DIXDC1: variants seen among roughly 807,000 people sequenced by gnomAD.
DIXDC1 encodes the protein dixin.
DIXDC1 carries 64 observed loss-of-function variants against 103.1 expected under a neutral mutation model. That is an observed-to-expected ratio of 0.62 (90% CI 0.51 to 0.76). The LOEUF (loss-of-function observed/expected upper bound fraction) is 0.76, where lower values mean the gene tolerates loss of function less well. Ranked by LOEUF, DIXDC1 falls within the 30% of genes least tolerant of loss-of-function variation. The pLI is 0.00. For missense variants in DIXDC1, 759 were observed against 834.2 expected (o/e 0.91, Z 1.11); for synonymous variants, 266 against 298.5 (o/e 0.89, Z 1.12).
In DIXDC1 at chr11:111,980,813, G is replaced by A; in HGVS notation, c.733G>A (p.Val245Met). ...ITQSEEKADF[V>M]IIPAEGIENR... ...CCAGTCAGAAGAGAAGGCAGATTTT[G>A]TGATTATTCCCGCTGAAGGAATAGA... Residue 245 changes from valine (V) to methionine (M), a missense_variant, in exon 6 of 20, where the codon GTG becomes ATG. Around this residue, in one of 3 missense-constraint regions of DIXDC1, gnomAD observed 657 missense variants for 727.5 expected, o/e 0.90. Coordinates refer to ENST00000440460, the MANE Select transcript of DIXDC1 (RefSeq NM_001037954.4). 6.2e-7 allele frequency: 1 copy of A among 1,613,980 alleles called. No homozygotes were observed. Among genetic ancestry groups the A allele is most frequent in the Non-Finnish European group, 8.5e-7 (1 of 1,179,872 alleles).
chr11:112,006,261 G>A (rs1180353941), intron 17 of DIXDC1, among the ~76,000 whole-genome samples: 2 of 152,024 alleles, frequency 1.3e-5, no homozygotes, highest in Non-Finnish European at 2.9e-5. Context: ...TGAGGCTTGA[G>A]TAGGTAAACA....
At position 111,993,350 on chromosome 11, in the gene DIXDC1, G is replaced by A. The variant is rs944676247; in HGVS notation, c.1273-146G>A. ...CTTTGCACTATGTAAGATTATTATG[G>A]TGTGTAAAGTCTTCCTGGTATATTT... On this transcript the variant is annotated intron_variant, in intron 12 of 19. Transcript: ENST00000440460. 48 of 750,344 alleles carry A rather than the reference G, an allele frequency of 6.4e-5. No individual in the cohort carries two copies. In the Admixed American group the frequency reaches 1.2e-3, roughly 20 times the overall value. The allele number at this position is 750,344 out of a possible 1,614,324, so 46.5% of individuals were successfully genotyped here. A position where few individuals can be genotyped will look rare whatever the true frequency, so the allele number is the denominator to read the frequency against.
chr11:111,977,728 C>G lies in DIXDC1; in HGVS notation c.656+2745C>G. ...ATGTGACTCTCAGCCTCCCACTTCA[C>G]CCGGGGACGCAGGCTTGCTGAAGCC... On this transcript the variant is annotated intron_variant, in intron 5 of 19. Transcript: ENST00000440460. The surrounding 1 kb of genome is among the most constrained non-coding windows in gnomAD (Gnocchi z 6.1). 4 of 1,554,060 alleles carry G rather than the reference C, an allele frequency of 2.6e-6. No individual in the cohort carries two copies. The highest frequency in any genetic ancestry group is 3.5e-6 in the Non-Finnish European group (4 of 1,148,676).
rs1302850946 is a variant in DIXDC1, at chr11:112,021,492, T to C, written c.*2456T>C. 6.6e-6 allele frequency: 1 copy of C among 152,180 alleles called. No individual in the cohort carries two copies. The highest frequency in any genetic ancestry group is 1.5e-5 in the Non-Finnish European group (1 of 68,030). The allele number at this position is 152,180 out of a possible 1,614,324, so 9.4% of individuals were successfully genotyped here. ...TCTAGGAGGCCTCCTGACTTATTCA[T>C]AGTATTGTCGCCTGGTGGCATTGGT... On this transcript the variant is annotated 3_prime_UTR_variant, in exon 20 of 20. Coordinates refer to ENST00000440460, the MANE Select transcript of DIXDC1 (RefSeq NM_001037954.4).
At chr11:111,965,405 T>C (rs1352360649) in intron 2 of DIXDC1, among the ~76,000 whole-genome samples, 5 of 152,344 alleles carry the variant, frequency 3.3e-5, no homozygotes, top group Admixed American at 6.5e-5. Flanking sequence ...TCTAGCCAAA[T>C]GCACATAATA....
upstream of DIXDC1, among the ~76,000 whole-genome samples, chr11:111,933,633 T>C (rs1251885134): frequency 6.7e-6 from 1 of 149,362 alleles, no homozygotes; most frequent in Admixed American, 6.7e-5. Flanking sequence ...GTAATTTTTT[T>C]GTGCCACTGC....
intron 1 of DIXDC1, among the ~76,000 whole-genome samples, chr11:111,928,725 G>T (rs1965918059): frequency 1.3e-5 from 2 of 151,852 alleles, no homozygotes. Context: ...TTGCGCCACT[G>T]CACTCCAGCC....
chr11:111,959,065 C>G (rs1049729989), intron 1 of DIXDC1, among the ~76,000 whole-genome samples: 1 of 152,202 alleles, frequency 6.6e-6, no homozygotes, highest in Non-Finnish European at 1.5e-5. Flanking sequence ...CAATAAAGCT[C>G]CTCTTCACCT....
At chr11:111,933,452 G>A (rs1377332604), upstream of DIXDC1, among the ~76,000 whole-genome samples, 1 of 151,798 alleles carries the variant, frequency 6.6e-6, no homozygotes, top group Non-Finnish European at 1.5e-5. Context: ...CTTTTTTTGA[G>A]GCAGTGTCTC....
chr11:111,937,221 C>T (rs1283807820), upstream of DIXDC1: 39 of 1,134,338 alleles, frequency 3.4e-5, no homozygotes, highest in Non-Finnish European at 4.2e-5. Context: ...GAAAGCGGGG[C>T]TGGGGGCAGC....
At chr11:112,013,321 T>C (rs1398322858) in intron 17 of DIXDC1, among the ~76,000 whole-genome samples, 1 of 35,710 alleles carries the variant, frequency 2.8e-5, no homozygotes, top group Non-Finnish European at 5.7e-5. Flanking sequence ...GGTCGGGGGG[T>C]GGGGGTGGGG....
rs1316752666 is a variant in DIXDC1 at position 111,975,222 on chromosome 11, C to T, written c.656+239C>T. ...AATCTGTGCAGTCCCAGTGCCAGTG[C>T]TTAACTGTGACCACATGGGGGCATG... On this transcript the variant is annotated intron_variant, in intron 5 of 19. Coordinates refer to ENST00000440460, the MANE Select transcript of DIXDC1 (RefSeq NM_001037954.4). 6 of 1,298,444 alleles carry T rather than the reference C, an allele frequency of 4.6e-6. No homozygotes were observed. The African/African-American group carries it at 6.0e-5, about 13-fold the overall frequency. 80.4% of individuals were successfully genotyped at this position (1,298,444 alleles called of 1,614,324 possible).
chr11:111,956,929 G>A lies in DIXDC1; in HGVS notation c.61-7620G>A, dbSNP rs587728441. ...TGCGTGTAATCCCAGCACTTTGGGAGGCTGAGGTGGGAGGATCACTTGAGC... is the reference window on the plus strand; with the variant it reads ...TGCGTGTAATCCCAGCACTTTGGGAAGCTGAGGTGGGAGGATCACTTGAGC... On this transcript the variant is annotated intron_variant, in intron 1 of 19. Coordinates refer to ENST00000440460, the MANE Select transcript of DIXDC1 (RefSeq NM_001037954.4). Among the ~76,000 whole-genome samples the A allele has an allele frequency of 3.5e-3, 535 of 152,248 alleles. 2 individuals are homozygous for A. The highest frequency in any genetic ancestry group is 6.1e-3 in the Non-Finnish European group (418 of 68,008).
At chr11:112,015,174 C>T (rs1174177313) in intron 17 of DIXDC1, 5 of 152,174 alleles carry the variant, frequency 3.3e-5, no homozygotes, top group Non-Finnish European at 7.3e-5. Flanking sequence ...CATGAGCCAC[C>T]GCGCCTGGCC....
Position 111,965,185 on chromosome 11 carries a change from T to C in DIXDC1, c.190+507T>C, listed in dbSNP as rs927016606. On this transcript the variant is annotated intron_variant, in intron 2 of 19. Coordinates refer to ENST00000440460, the MANE Select transcript of DIXDC1 (RefSeq NM_001037954.4). ...AGGACCCTTCTACCATAATACTTCA[T>C]AAAATTTTTTTCCTCTTGAACCCTG... Among the ~76,000 whole-genome samples, 59 of 152,214 alleles carry C rather than the reference T, an allele frequency of 3.9e-4. 2 individuals carry two copies. The highest frequency in any genetic ancestry group is 3.9e-3 in the Admixed American group (59 of 15,272).
chr11:112,009,290 G>T (rs1452856278), intron 17 of DIXDC1, among the ~76,000 whole-genome samples: 1 of 152,052 alleles, frequency 6.6e-6, no homozygotes, highest in African/African-American at 2.4e-5. Flanking sequence ...ACCAATAACA[G>T]GTTCTGAAAT....
Position 111,993,079 on chromosome 11 carries a change from C to T in DIXDC1, c.1272+75C>T, listed in dbSNP as rs372056900. 20 of 1,457,982 alleles carry T rather than the reference C, an allele frequency of 1.4e-5. No homozygotes were observed. The African/African-American group carries it at 2.0e-4, about 14-fold the overall frequency. 90.3% of individuals were successfully genotyped at this position (1,457,982 alleles called of 1,614,324 possible). A position where few individuals can be genotyped will look rare whatever the true frequency, so the allele number is the denominator to read the frequency against. ...CAGCCCGTTATTGTTGCTCAAAAAG[C>T]ACTTAAGTATTCTATTTTCATCCTT... is the stretch of plus-strand genomic sequence containing the variant. On this transcript the variant is annotated intron_variant, in intron 12 of 19. Transcript: ENST00000440460.
At chr11:111,954,515 A>G (rs1413026116) in intron 1 of DIXDC1, among the ~76,000 whole-genome samples, 2 of 152,234 alleles carry the variant, frequency 1.3e-5, no homozygotes, top group Admixed American at 6.5e-5. Context: ...AGCTATTACA[A>G]GTAATCTAGA....
intron 2 of DIXDC1, among the ~76,000 whole-genome samples, chr11:111,965,251 T>A (rs1859691426): frequency 6.6e-6 from 1 of 152,214 alleles, no homozygotes; most frequent in Non-Finnish European, 1.5e-5. Context: ...TACCATAACC[T>A]TATTTCCATA....
Sources: gnomAD v4.1 joint callset for allele counts (sites outside exome capture counted in the v4.1 genomes callset) on GRCh38, gnomAD v4.1.1 for gene constraint, gnomAD v4.1.1 regional missense constraint, Gnocchi (gnomAD v3.1) non-coding constraint, MANE v1.5 for transcripts, NCBI Gene and HGNC (gene_info 2026-07-23, HGNC 2026-07-21) for gene names.